The following ANKRA2 variants were observed in gnomAD, a reference collection of about 807,000 sequenced individuals.
ANKRA2 encodes the protein ankyrin repeat family A member 2.
ANKRA2 carries 33 observed loss-of-function variants against 37.8 expected under a neutral mutation model. The observed-to-expected ratio is 0.87, with a 90% CI of 0.66 to 1.17. The LOEUF (loss-of-function observed/expected upper bound fraction) is 1.17. Ranked by LOEUF, ANKRA2 falls within the 50% of genes most tolerant of loss-of-function variation. The pLI is 0.00. For synonymous variants in ANKRA2, 126 were observed against 132.3 expected (o/e 0.95, Z 0.33); for missense variants, 326 against 373.7 (o/e 0.87, Z 1.05).
Position 73,555,525 on chromosome 5 carries a change from T to G in ANKRA2, c.575A>C (p.His192Pro). 1 of 1,614,062 alleles carries G rather than the reference T, an allele frequency of 6.2e-7. No homozygotes were observed. Among genetic ancestry groups the G allele is most frequent in the Non-Finnish European group, 8.5e-7 (1 of 1,179,940 alleles). ...GAACTCTACCACAGCTATTTGCCCG[T>G]GTGCTGCAGCCCACATCAGAGGAGT... ...GFTPLMWAAAHGQIAVVEFLL... is the reference protein window; with the variant it reads ...GFTPLMWAAAPGQIAVVEFLL... The change falls in exon 5 of 9, where the codon CAC becomes CCC. Residue 192 changes from histidine (H) to proline (P), a missense_variant. This residue lies in a region of ANKRA2 where 228 missense variants were observed against 260.2 expected (regional missense o/e 0.88). Transcript: ENST00000296785.
chr5:73,557,649 G>C lies in ANKRA2; in HGVS notation c.449-9C>G. ...CTGGTGAACAGACAAAGCTGAAAGA[G>C]TATCATAAAATGCTTCATGAATTAT... On this transcript the variant is annotated splice_polypyrimidine_tract_variant and intron_variant, in intron 3 of 8. Transcript: ENST00000296785. 6.2e-7 allele frequency: 1 copy of C among 1,603,332 alleles called. No homozygotes were observed. The highest frequency in any genetic ancestry group is 8.5e-7 in the Non-Finnish European group (1 of 1,171,396).
chr5:73,557,411 C>CTTTTTTTTTTTT (rs80067963), intron 4 of ANKRA2, 164 bp downstream of exon 4: 1 of 188,100 alleles, frequency 5.3e-6, no homozygotes, highest in Non-Finnish European at 1.0e-5. Context: ...CTTTATATTC[C>CTTTTTTTTTTTT]TTTTTTTTTT....
chr5:73,554,246 T>G (rs1747335437), intron 7 of ANKRA2, 76 bp downstream of exon 7: 5 of 1,176,470 alleles, frequency 4.2e-6, no homozygotes, highest in Non-Finnish European at 6.3e-6. Context: ...TTCTCCTGAG[T>G]AGTACCAGGG....
rs1010882725 is a variant in ANKRA2, at chr5:73,552,703, T to C, written c.*94A>G. The C allele has an allele frequency of 2.6e-6, 3 of 1,151,602 alleles. No individual in the cohort carries two copies. Among genetic ancestry groups the C allele is most frequent in the Non-Finnish European group, 3.8e-6 (3 of 786,124 alleles). The allele number at this position is 1,151,602 out of a possible 1,614,324, so 71.3% of individuals were successfully genotyped here. ...AAAACCTACTAAAAACCAGTAAATA[T>C]TGCAACTGAGGTAAAAATTTATAAG... On this transcript the variant is annotated 3_prime_UTR_variant, in exon 9 of 9. Transcript: ENST00000296785.
chr5:73,563,567 T>C (rs770545059), intron 1 of ANKRA2, among the ~76,000 whole-genome samples: 4 of 152,238 alleles, frequency 2.6e-5, no homozygotes, highest in African/African-American at 4.8e-5. Context: ...TTGGTTTTGA[T>C]GAACTGAAGG....
In ANKRA2 at chr5:73,555,026, TTA is replaced by T. The variant is rs777019325; in HGVS notation, c.613-42_613-41del. ...AGAGATAAAAGACTTCTCAATTAGTTTAAACAAGAATATTGTTATTCCTGTCA... is the reference window on the plus strand; with the variant it reads ...AGAGATAAAAGACTTCTCAATTAGTTAACAAGAATATTGTTATTCCTGTCA... On this transcript the variant is annotated intron_variant, in intron 5 of 8. Coordinates refer to ENST00000296785, the MANE Select transcript of ANKRA2 (RefSeq NM_023039.5). The T allele has an allele frequency of 9.4e-6, 15 of 1,591,046 alleles. No homozygotes were observed. In the South Asian group the frequency reaches 1.7e-4, roughly 18 times the overall value.
In ANKRA2 at chr5:73,562,871, G is replaced by A. The variant is rs764109433; in HGVS notation, c.11C>T (p.Ser4Leu). ...CTGGGCTCCAATATCCAGATTTGTT[G>A]ATGTATCCATGATTTCAACTGTAGT... MDT[S>L]TNLDIGAQLI... is the part of the protein sequence containing the mutation. The change falls in exon 2 of 9, where the codon TCA (serine) becomes TTA (leucine). Residue 4 changes from serine (S) to leucine (L), a missense_variant. By Grantham distance (145) the Ser-to-Leu change is moderately radical (BLOSUM62 -2). Transcript: ENST00000296785. 8.7e-6 allele frequency: 14 copies of A among 1,605,550 alleles called. No individual in the cohort carries two copies. The East Asian group carries it at 2.5e-4, about 28-fold the overall frequency.
intron 1 of ANKRA2, among the ~76,000 whole-genome samples, chr5:73,564,346 T>A (rs1400444821): frequency 6.6e-6 from 1 of 152,178 alleles, no homozygotes; most frequent in Non-Finnish European, 1.5e-5. Context: ...CTGAGCACCC[T>A]GCATGTATCT....
chr5:73,560,781 T>G (rs1747529624), intron 3 of ANKRA2, among the ~76,000 whole-genome samples: 1 of 152,202 alleles, frequency 6.6e-6, no homozygotes, highest in South Asian at 2.1e-4. Flanking sequence ...TTGATCAGTA[T>G]CTCTACCTTT....
At chr5:73,557,367 G>A (rs1008820839) in intron 4 of ANKRA2, 3 of 338,108 alleles carry the variant, frequency 8.9e-6, no homozygotes, top group African/African-American at 2.2e-5. Flanking sequence ...TTTGCTTTTG[G>A]GGAAAAGGCA....
chr5:73,563,337 A>G (rs1022500236), intron 1 of ANKRA2, among the ~76,000 whole-genome samples: 11 of 152,228 alleles, frequency 7.2e-5, no homozygotes, highest in African/African-American at 2.7e-4. Context: ...TGTTTCTCCC[A>G]TTTCCTATAT....
intron 2 of ANKRA2, chr5:73,561,515 C>A: frequency 2.3e-6 from 1 of 430,368 alleles, no homozygotes; most frequent in Non-Finnish European, 4.1e-6. Flanking sequence ...CCTGTAACCC[C>A]AGCACTTTGG....
chr5:73,564,133 T>C (rs1200407082), intron 1 of ANKRA2, among the ~76,000 whole-genome samples: 1 of 147,458 alleles, frequency 6.8e-6, no homozygotes, highest in Non-Finnish European at 1.5e-5. Flanking sequence ...AAGCAGGAAG[T>C]AAGAAGGTTA....
At chr5:73,563,669 C>T (rs748613058) in intron 1 of ANKRA2, among the ~76,000 whole-genome samples, 1 of 152,078 alleles carries the variant, frequency 6.6e-6, no homozygotes, top group Non-Finnish European at 1.5e-5. Context: ...ATTGGCTTTC[C>T]AAGATGTATA....
intron 3 of ANKRA2, among the ~76,000 whole-genome samples, chr5:73,560,726 C>T (rs766289162): frequency 6.6e-6 from 1 of 152,056 alleles, no homozygotes; most frequent in African/African-American, 2.4e-5. Context: ...TTGTGTACAA[C>T]AGGTCATTAA....
chr5:73,565,517 T>G lies in ANKRA2; in HGVS notation c.-490A>C, dbSNP rs955866736. 2.0e-5 allele frequency: 5 copies of G among 252,946 alleles called. No individual in the cohort carries two copies. Among genetic ancestry groups the G allele is most frequent in the African/African-American group, 1.1e-4 (5 of 43,962 alleles). 15.7% of individuals were successfully genotyped at this position (252,946 alleles called of 1,614,324 possible). On this transcript the variant is annotated 5_prime_UTR_variant, in exon 1 of 9. Transcript: ENST00000296785. ...TTTCGGGTTTTCTTTTTTTTGTCCC[T>G]CTCTCCTTTTTTTTAATATTTTTGT...
In ANKRA2 at chr5:73,557,582, G is replaced by A. The variant is rs143788121; in HGVS notation, c.507C>T (p.Ile169=). The A allele has an allele frequency of 4.1e-5, 65 of 1,602,512 alleles. No homozygotes were observed. Among genetic ancestry groups the A allele is most frequent in the Middle Eastern group, 3.3e-4 (2 of 6,056 alleles). Residue 169 remains isoleucine, a synonymous_variant, in exon 4 of 9, where the codon ATC becomes ATT. Coordinates refer to ENST00000296785, the MANE Select transcript of ANKRA2 (RefSeq NM_023039.5). The part of the protein sequence containing the change: ...QGEMLYLATR[I]EQENVINHTD... Reference sequence around the variant, plus strand: ...TTTTAAATAGGCTATTACCTTGTTCGATACGAGTAGCCAGATAGAGCATCT... The same window carrying A: ...TTTTAAATAGGCTATTACCTTGTTCAATACGAGTAGCCAGATAGAGCATCT...
intron 8 of ANKRA2, 120 bp downstream of exon 8, chr5:73,553,286 T>C (rs1005262849): frequency 2.8e-6 from 2 of 703,582 alleles, no homozygotes; most frequent in Non-Finnish European, 4.5e-6. Flanking sequence ...GTTAAAAGTA[T>C]ATGTCAGGAG....
At chr5:73,559,464 G>A (rs1041043405) in intron 3 of ANKRA2, among the ~76,000 whole-genome samples, 1 of 151,950 alleles carries the variant, frequency 6.6e-6, no homozygotes, top group African/African-American at 2.4e-5. Context: ...GTTAAAATAG[G>A]TGATTTCATA....
Sources: allele counts gnomAD v4.1 joint callset (sites outside exome capture counted in the v4.1 genomes callset), GRCh38; gene constraint gnomAD v4.1.1; regional missense constraint gnomAD v4.1.1; transcripts MANE v1.5; gene names NCBI Gene and HGNC (gene_info 2026-07-23, HGNC 2026-07-21).